The following TMIGD3 variants were observed in gnomAD, a reference collection of about 807,000 sequenced individuals.
TMIGD3 encodes AD026 protein (AD026).
Under a neutral mutation model 28.1 loss-of-function variants are expected in TMIGD3, and 21 were observed. The ratio of observed to expected loss-of-function variants is 0.75; its 90% CI spans 0.53 to 1.08. The LOEUF is 1.08. Among genes scored for constraint, TMIGD3 ranks in the 50% least tolerant of loss-of-function variants. The pLI is 0.00. For missense variants in TMIGD3, 416 were observed against 435.6 expected (o/e 0.96, Z 0.40); for synonymous variants, 151 against 162.1 (o/e 0.93, Z 0.52).
chr1:111,523,529 G>A lies in TMIGD3; in HGVS notation c.108-32767C>T, dbSNP rs75125047. Among the ~76,000 whole-genome samples the A allele has an allele frequency of 6.2e-3, 941 of 152,154 alleles. 5 individuals are homozygous for A. Among genetic ancestry groups the A allele is most frequent in the African/African-American group, 0.022 (905 of 41,504 alleles). On this transcript the variant is annotated intron_variant, in intron 1 of 5. Coordinates refer to the TMIGD3 transcript ENST00000369717. ...TCACAAAGAGTGGATTTCATAGAACGAGCTGGGAAGTATTTTCTTCAATTT... is the reference window on the plus strand; with the variant it reads ...TCACAAAGAGTGGATTTCATAGAACAAGCTGGGAAGTATTTTCTTCAATTT...
chr1:111,543,408 T>A (rs2185029), intron 1 of TMIGD3, among the ~76,000 whole-genome samples: 1 of 151,824 alleles, frequency 6.6e-6, no homozygotes, highest in African/African-American at 2.4e-5. Context: ...CCAAATACCA[T>A]CTCCCGTCTA....
chr1:111,500,487 CA>C (rs1192860214), intron 1 of TMIGD3: 4 of 1,614,100 alleles, frequency 2.5e-6, no homozygotes, highest in Middle Eastern at 1.6e-4. Flanking sequence ...TCAATCCCAC[CA>C]GGAATGACAC....
chr1:111,500,498 C>T, intron 1 of TMIGD3: 14 of 1,614,202 alleles, frequency 8.7e-6, no homozygotes, highest in Non-Finnish European at 1.2e-5. Flanking sequence ...AGGAATGACA[C>T]CAGCCAGCAA....
Position 111,562,620 on chromosome 1 carries a change from A to G in TMIGD3, c.107+1226T>C, listed in dbSNP as rs561353505. On this transcript the variant is annotated intron_variant, in intron 1 of 5. Coordinates refer to the TMIGD3 transcript ENST00000369717. ...AACATCCCACCAACATTTCAGGACT[A>G]AAATTGCCAATATTCCCTCCCTCTA... Among the ~76,000 whole-genome samples, 6 of 152,366 alleles carry G rather than the reference A, an allele frequency of 3.9e-5. No individual in the cohort carries two copies. In the South Asian group the frequency reaches 1.2e-3, roughly 32 times the overall value.
Position 111,485,812 on chromosome 1 carries a change from T to C in TMIGD3, c.901A>G (p.Ile301Val), listed in dbSNP as rs148777065. The change falls in exon 5 of 6, where the codon ATC becomes GTC. Residue 301 changes from isoleucine to valine, a missense_variant. By Grantham distance (29) the Ile-to-Val change is conservative. Transcript: ENST00000369716. ...RTSILIICIL[I>V]TGLGIISVIS... ...ACAGAGATGATTCCCAAACCCGTGATCAGTATGCAAATGATGAGAATGGAC... is the reference window on the plus strand; with the variant it reads ...ACAGAGATGATTCCCAAACCCGTGACCAGTATGCAAATGATGAGAATGGAC... 6.2e-7 allele frequency: 1 copy of C among 1,610,158 alleles called. No homozygotes were observed. The highest frequency in any genetic ancestry group is 8.5e-7 in the Non-Finnish European group (1 of 1,177,956).
intron 1 of TMIGD3, among the ~76,000 whole-genome samples, chr1:111,542,867 T>C (rs1401760700): frequency 6.6e-6 from 1 of 152,080 alleles, no homozygotes; most frequent in African/African-American, 2.4e-5. Flanking sequence ...TGGCTAGTTT[T>C]TGCATTTTTA....
intron 1 of TMIGD3, chr1:111,500,050 A>T (rs1194663436): frequency 1.2e-6 from 2 of 1,614,108 alleles, no homozygotes; most frequent in African/African-American, 2.7e-5. Flanking sequence ...GAACTTCTTT[A>T]TTTTATAGGC....
rs143690977 is a variant in TMIGD3, at chr1:111,542,291, AAC to A, written c.107+21553_107+21554del. ...TTTCAGGATCAGACCTGCCGGTTCG[AAC>A]ACACGCGACAAGAGCAAAGAAGTTA... On this transcript the variant is annotated intron_variant, in intron 1 of 5. Transcript: ENST00000369717. The A allele has an allele frequency of 9.8e-3, 5,458 of 554,700 alleles. 221 individuals carry two copies. Among genetic ancestry groups the A allele is most frequent in the African/African-American group, 0.092 (4,848 of 52,616 alleles). The allele number at this position is 554,700 out of a possible 1,614,324, so 34.4% of individuals were successfully genotyped here.
intron 1 of TMIGD3, among the ~76,000 whole-genome samples, chr1:111,509,025 G>A (rs1473685287): frequency 1.3e-5 from 2 of 152,238 alleles, no homozygotes; most frequent in Non-Finnish European, 2.9e-5. Context: ...AACCCGGGAG[G>A]CGGAGGTTGC....
chr1:111,558,200 C>G (rs1657581165), intron 1 of TMIGD3, among the ~76,000 whole-genome samples: 1 of 152,070 alleles, frequency 6.6e-6, no homozygotes, highest in Admixed American at 6.6e-5. Context: ...TGTTTTGAGA[C>G]AGGGTCTTAC....
upstream of TMIGD3, chr1:111,504,121 TC>T (rs1258752110): frequency 1.0e-6 from 1 of 985,264 alleles, no homozygotes; most frequent in Non-Finnish European, 1.2e-6. Flanking sequence ...GCAGCAAAGA[TC>T]CTTGGTCAAA....
At chr1:111,519,842 G>C (rs1655996347) in intron 1 of TMIGD3, among the ~76,000 whole-genome samples, 2 of 151,938 alleles carry the variant, frequency 1.3e-5, no homozygotes, top group Admixed American at 6.6e-5. Context: ...ACAGGCACCT[G>C]CCACCACACC....
At chr1:111,487,552 C>T (rs753475522) in intron 3 of TMIGD3, among the ~76,000 whole-genome samples, 1 of 151,568 alleles carries the variant, frequency 6.6e-6, no homozygotes, top group Non-Finnish European at 1.5e-5. Flanking sequence ...TTCCATAAGT[C>T]CTCTGTCTGA....
At chr1:111,492,774 A>T (rs1654727170) in intron 1 of TMIGD3, among the ~76,000 whole-genome samples, 1 of 149,350 alleles carries the variant, frequency 6.7e-6, no homozygotes, top group African/African-American at 2.5e-5. Context: ...AGATCACGCC[A>T]CTGTACTTTA....
chr1:111,556,525 C>G (rs1230050463), intron 1 of TMIGD3, among the ~76,000 whole-genome samples: 2 of 152,116 alleles, frequency 1.3e-5, no homozygotes, highest in Non-Finnish European at 2.9e-5. Context: ...GATGAATGGA[C>G]ACACAAAATG....
intron 1 of TMIGD3, among the ~76,000 whole-genome samples, chr1:111,533,876 T>C (rs1310713491): frequency 1.3e-5 from 2 of 152,170 alleles, no homozygotes; most frequent in Non-Finnish European, 2.9e-5. Flanking sequence ...TGGTTAATAA[T>C]AAACACTTTG....
chr1:111,530,402 A>G (rs1299863131), intron 1 of TMIGD3, among the ~76,000 whole-genome samples: 1 of 152,048 alleles, frequency 6.6e-6, no homozygotes, highest in Non-Finnish European at 1.5e-5. Context: ...TATATTTACC[A>G]TTTCCATTGC....
rs530913453 is a variant in TMIGD3, at chr1:111,494,086, A to G, written c.351-3324T>C. ...CCTGCAGCAACCTGCTCAGGAAACCAACTGCTAATCAATAAATAGTAAGCC... is the reference window on the plus strand; with the variant it reads ...CCTGCAGCAACCTGCTCAGGAAACCGACTGCTAATCAATAAATAGTAAGCC... On this transcript the variant is annotated intron_variant, in intron 1 of 5. Transcript: ENST00000369716. Among the ~76,000 whole-genome samples the G allele has an allele frequency of 2.0e-5, 3 of 152,340 alleles. No individual in the cohort carries two copies. The East Asian group carries it at 5.8e-4, about 29-fold the overall frequency.
chr1:111,541,977 G>C (rs1326196751), intron 1 of TMIGD3, among the ~76,000 whole-genome samples: 9 of 152,112 alleles, frequency 5.9e-5, no homozygotes. Context: ...GCAAGGTGAT[G>C]AATTTTTATG....
Sources: allele counts gnomAD v4.1 joint callset (sites outside exome capture counted in the v4.1 genomes callset), GRCh38; gene constraint gnomAD v4.1.1; transcripts MANE v1.5; gene names NCBI Gene and HGNC (gene_info 2026-07-23, HGNC 2026-07-21).